Variants in PPARGC1A observed in about 807,000 individuals in gnomAD.
PPARGC1A encodes the protein PPARG coactivator 1 alpha.
A neutral mutation model predicts 88.7 loss-of-function variants in PPARGC1A; 25 were observed. That is an observed-to-expected ratio of 0.28 (90% CI 0.21 to 0.39). PPARGC1A has a LOEUF of 0.39. PPARGC1A is among the 10% of genes least tolerant of loss of function. PPARGC1A has a pLI of 1.00. For synonymous variants in PPARGC1A, 363 were observed against 355.6 expected (o/e 1.02, Z -0.24); for missense variants, 880 against 968.7 (o/e 0.91, Z 1.22).
At chr4:23,966,413 G>T in the PPARGC1A span, among the ~76,000 whole-genome samples, 15 of 152,136 alleles carry the variant, frequency 9.9e-5, no homozygotes, top group Non-Finnish European at 1.3e-4. Flanking sequence ...ATTATAAGTT[G>T]AATCAATTTA....
chr4:24,330,437 C>T, the PPARGC1A span, among the ~76,000 whole-genome samples: 3 of 152,172 alleles, frequency 2.0e-5, no homozygotes, highest in African/African-American at 7.2e-5. Context: ...AAAGAATGCC[C>T]TTCCAGCCCC....
the PPARGC1A span, among the ~76,000 whole-genome samples, chr4:24,362,094 G>A: frequency 1.3e-5 from 2 of 152,252 alleles, no homozygotes; most frequent in Non-Finnish European, 2.9e-5. Context: ...CCATTTATCC[G>A]AATATTCTTC....
chr4:24,097,100 G>C, the PPARGC1A span, among the ~76,000 whole-genome samples: 3 of 152,104 alleles, frequency 2.0e-5, no homozygotes, highest in Non-Finnish European at 4.4e-5. Flanking sequence ...TCTCAACAAT[G>C]GGGAAGGGAG....
chr4:24,308,474 C>A, the PPARGC1A span, among the ~76,000 whole-genome samples: 1 of 152,036 alleles, frequency 6.6e-6, no homozygotes, highest in Non-Finnish European at 1.5e-5. Flanking sequence ...ATGTATGTTG[C>A]ACAGAGGAAT....
chr4:24,148,528 T>C, the PPARGC1A span, among the ~76,000 whole-genome samples: 1 of 152,170 alleles, frequency 6.6e-6, no homozygotes, highest in East Asian at 1.9e-4. Context: ...CTGGATATTA[T>C]AAGATGTAAG....
the PPARGC1A span, among the ~76,000 whole-genome samples, chr4:24,458,147 C>T: frequency 1.2e-4 from 19 of 152,086 alleles, no homozygotes; most frequent in Non-Finnish European, 2.1e-4. Context: ...GTAAGAATGA[C>T]CTCTTGACTA....
At chr4:24,294,826 C>A in the PPARGC1A span, among the ~76,000 whole-genome samples, 1 of 152,332 alleles carries the variant, frequency 6.6e-6, no homozygotes, top group South Asian at 2.1e-4. Context: ...TTCTTCCAGG[C>A]AAATCGTATC....
chr4:24,363,043 C>T, the PPARGC1A span, among the ~76,000 whole-genome samples: 4 of 152,318 alleles, frequency 2.6e-5, no homozygotes, highest in Middle Eastern at 3.4e-3. Flanking sequence ...CTTGCACTCA[C>T]TTCAGGCTTT....
the PPARGC1A span, among the ~76,000 whole-genome samples, chr4:24,085,651 G>C: frequency 6.6e-6 from 1 of 152,148 alleles, no homozygotes; most frequent in East Asian, 1.9e-4. Context: ...AAGAGAAACT[G>C]CTCTATCTGT....
the PPARGC1A span, among the ~76,000 whole-genome samples, chr4:24,457,298 A>C: frequency 6.6e-6 from 1 of 152,182 alleles, no homozygotes. Context: ...GTTGTTGAAA[A>C]AAATTATGAG....
chr4:23,817,512 A>G (rs749421935), intron 7 of PPARGC1A, among the ~76,000 whole-genome samples: 3 of 152,190 alleles, frequency 2.0e-5, no homozygotes, highest in Non-Finnish European at 4.4e-5. Context: ...AAAATTTGAC[A>G]TAAGTATATT....
At chr4:24,108,502 G>A in the PPARGC1A span, among the ~76,000 whole-genome samples, 1 of 152,132 alleles carries the variant, frequency 6.6e-6, no homozygotes, top group African/African-American at 2.4e-5. Flanking sequence ...AAAATCAGGA[G>A]GTGGGCACCT....
At chr4:24,193,094 T>G in the PPARGC1A span, among the ~76,000 whole-genome samples, 1 of 152,338 alleles carries the variant, frequency 6.6e-6, no homozygotes, top group South Asian at 2.1e-4. Flanking sequence ...AATGCAAATT[T>G]AAGGATGTTT....
the PPARGC1A span, among the ~76,000 whole-genome samples, chr4:24,300,324 A>ATTTTTTTTTTTTTTT: frequency 6.7e-5 from 3 of 45,028 alleles, 1 homozygote; most frequent in Non-Finnish European, 1.3e-4. Context: ...ATACAATAGC[A>ATTTTTTTTTTTTTTT]TTTTTTTTTT....
At chr4:24,227,538 A>C in the PPARGC1A span, among the ~76,000 whole-genome samples, 1 of 152,230 alleles carries the variant, frequency 6.6e-6, no homozygotes, top group Admixed American at 6.5e-5. Context: ...TAAACAAATA[A>C]ATAAGTAAAT....
At chr4:24,331,848 T>C in the PPARGC1A span, among the ~76,000 whole-genome samples, 61 of 151,970 alleles carry the variant, frequency 4.0e-4, 1 homozygote, top group Middle Eastern at 0.014. Flanking sequence ...ACATGGGCCA[T>C]GGTGGTTTGC....
At chr4:24,317,666 G>T in the PPARGC1A span, among the ~76,000 whole-genome samples, 2 of 138,938 alleles carry the variant, frequency 1.4e-5, no homozygotes, top group African/African-American at 5.3e-5. Context: ...TGTAGACAGA[G>T]AAATCAGTTG....
the PPARGC1A span, among the ~76,000 whole-genome samples, chr4:24,124,273 G>A: frequency 6.6e-6 from 1 of 152,280 alleles, no homozygotes; most frequent in African/African-American, 2.4e-5. Context: ...CTAGTCAGAA[G>A]TAAAGTAAAT....
chr4:23,848,193 T>C (rs1049153257), intron 2 of PPARGC1A, among the ~76,000 whole-genome samples: 1 of 152,218 alleles, frequency 6.6e-6, no homozygotes, highest in African/African-American at 2.4e-5. Context: ...TAAATATTCA[T>C]GCCTCTCAGA....
Sources: allele counts gnomAD v4.1 joint callset (sites outside exome capture counted in the v4.1 genomes callset), GRCh38; gene constraint gnomAD v4.1.1; transcripts MANE v1.5; gene names NCBI Gene and HGNC (gene_info 2026-07-23, HGNC 2026-07-21).